The following MACROD2 variants were observed in gnomAD, a reference collection of about 807,000 sequenced individuals.
MACROD2 encodes ADP-ribose glycohydrolase MACROD2.
In MACROD2, 36 loss-of-function variants were observed where a neutral mutation model predicts 70.4. That is an observed-to-expected ratio of 0.51 (90% CI 0.39 to 0.68). The LOEUF (loss-of-function observed/expected upper bound fraction) is 0.68, where lower values mean the gene tolerates loss of function less well. MACROD2 is among the 30% of genes least tolerant of loss of function. The pLI is 0.00. For missense variants in MACROD2, 496 were observed against 538.4 expected, an observed-to-expected ratio of 0.92 and a Z score of 0.78; for synonymous variants, 172 against 178.8, an observed-to-expected ratio of 0.96 and a Z score of 0.30.
intron 6 of MACROD2, among the ~76,000 whole-genome samples, chr20:15,312,924 A>G (rs1568714106): frequency 6.6e-6 from 1 of 152,204 alleles, no homozygotes; most frequent in Non-Finnish European, 1.5e-5. Flanking sequence ...TTTATTCAAG[A>G]TATTAATTTA....
At chr20:14,114,652 G>A (rs1052391662) in intron 3 of MACROD2, among the ~76,000 whole-genome samples, 1 of 152,060 alleles carries the variant, frequency 6.6e-6, no homozygotes, top group Non-Finnish European at 1.5e-5. Flanking sequence ...TTTGAGAAAC[G>A]AGGAACGGGG....
intron 3 of MACROD2, among the ~76,000 whole-genome samples, chr20:14,421,696 A>G (rs1459260928): frequency 1.3e-5 from 2 of 152,054 alleles, no homozygotes; most frequent in Non-Finnish European, 2.9e-5. Context: ...ATTTCCATAT[A>G]CTTATGAATT....
intron 5 of MACROD2, among the ~76,000 whole-genome samples, chr20:15,029,988 G>T (rs2075261865): frequency 1.3e-5 from 2 of 151,178 alleles, no homozygotes; most frequent in African/African-American, 4.9e-5. Context: ...TACCCAGGAG[G>T]CTGAGGCACG....
intron 5 of MACROD2, among the ~76,000 whole-genome samples, chr20:14,812,107 A>G (rs537724495): frequency 5.3e-5 from 8 of 152,182 alleles, no homozygotes; most frequent in South Asian, 4.1e-4. Flanking sequence ...AAATCATTCT[A>G]CTATAAAGAC....
chr20:15,458,642 A>T lies in MACROD2; in HGVS notation c.571+27207A>T, dbSNP rs1166068757. On this transcript the variant is annotated intron_variant, in intron 7 of 17. Transcript: ENST00000684519. Reference sequence around the variant, plus strand: ...TTGTTTTTTTGTTTTTTTTTTTTAAAAAAAAAAAAGATTGTGCCATTTATT... The same window carrying T: ...TTGTTTTTTTGTTTTTTTTTTTTAATAAAAAAAAAGATTGTGCCATTTATT... 1.7e-3 allele frequency among the ~76,000 whole-genome samples: 213 copies of T among 124,510 alleles called. 1 individual carries two copies. Among genetic ancestry groups the T allele is most frequent in the Admixed American group, 2.8e-3 (35 of 12,726 alleles). The allele number at this position is 124,510 out of a possible 152,430, so 81.7% of individuals were successfully genotyped here.
At chr20:14,616,855 T>C (rs945631604) in intron 4 of MACROD2, among the ~76,000 whole-genome samples, 10 of 152,142 alleles carry the variant, frequency 6.6e-5, no homozygotes, top group Admixed American at 3.9e-4. Context: ...CAAAATAAGC[T>C]GTCCTGTAAT....
In MACROD2 at chr20:14,277,053, C is replaced by A. The variant is rs115516314; in HGVS notation, c.271+191325C>A. ...ACAATTGGCTGGGCTTGGTAGCTCA[C>A]GCCTGTAGTGCCAGCACTGTGGAAG... On this transcript the variant is annotated intron_variant, in intron 3 of 17. Coordinates refer to ENST00000684519, the MANE Select transcript of MACROD2 (RefSeq NM_001351661.2). 2.0e-5 allele frequency among the ~76,000 whole-genome samples: 3 copies of A among 152,196 alleles called. No homozygotes were observed. The East Asian group carries it at 5.8e-4, about 29-fold the overall frequency.
At chr20:14,218,360 A>G (rs1053517323) in intron 3 of MACROD2, among the ~76,000 whole-genome samples, 2 of 152,138 alleles carry the variant, frequency 1.3e-5, no homozygotes, top group Non-Finnish European at 2.9e-5. Context: ...GTCCATTTTC[A>G]TGAAATGCCT....
At chr20:14,150,189 C>G (rs1249827967) in intron 3 of MACROD2, among the ~76,000 whole-genome samples, 2 of 152,042 alleles carry the variant, frequency 1.3e-5, no homozygotes, top group East Asian at 1.9e-4. Flanking sequence ...TTGCCCTTCA[C>G]TAACTATGCT....
chr20:14,014,150 C>T (rs2148619148), intron 2 of MACROD2, among the ~76,000 whole-genome samples: 1 of 152,144 alleles, frequency 6.6e-6, no homozygotes, highest in South Asian at 2.1e-4. Context: ...ACATTTTGGT[C>T]AGCGTGAACA....
At chr20:15,672,767 C>A (rs969995040) in intron 8 of MACROD2, among the ~76,000 whole-genome samples, 3 of 152,154 alleles carry the variant, frequency 2.0e-5, no homozygotes, top group African/African-American at 4.8e-5. Flanking sequence ...CCCTGGAGAT[C>A]TTGGCCACTG....
intron 4 of MACROD2, among the ~76,000 whole-genome samples, chr20:14,519,130 A>T (rs945429044): frequency 2.0e-5 from 3 of 152,180 alleles, no homozygotes; most frequent in African/African-American, 7.2e-5. Context: ...AAATTATAGC[A>T]ATGTGAAGTG....
chr20:14,141,300 A>G (rs1183644213), intron 3 of MACROD2, among the ~76,000 whole-genome samples: 2 of 152,184 alleles, frequency 1.3e-5, no homozygotes, highest in African/African-American at 2.4e-5. Flanking sequence ...AGTTTTCTCT[A>G]TGGTGCAGTA....
At chr20:15,773,972 A>T (rs558329574) in intron 8 of MACROD2, among the ~76,000 whole-genome samples, 20 of 152,314 alleles carry the variant, frequency 1.3e-4, no homozygotes, top group African/African-American at 4.8e-4. Flanking sequence ...TCCATCAAAG[A>T]AAAGCAATAT....
chr20:15,879,706 T>C (rs1379957148), intron 9 of MACROD2, among the ~76,000 whole-genome samples: 1 of 152,078 alleles, frequency 6.6e-6, no homozygotes, highest in African/African-American at 2.4e-5. Context: ...GAACATATAT[T>C]AAAATACATG....
Position 15,307,504 on chromosome 20 carries a change from T to C in MACROD2, c.540+77443T>C, listed in dbSNP as rs1284942573. 3.9e-5 allele frequency among the ~76,000 whole-genome samples: 6 copies of C among 152,288 alleles called. No individual in the cohort carries two copies. In the East Asian group the frequency reaches 1.2e-3, roughly 29 times the overall value. On this transcript the variant is annotated intron_variant, in intron 6 of 17. Transcript: ENST00000684519. ...TCTCCTCTCTCCTTACACACACACGTATGTGTTTGAGTTTAGTAAATGTCA... is the reference window on the plus strand; with the variant it reads ...TCTCCTCTCTCCTTACACACACACGCATGTGTTTGAGTTTAGTAAATGTCA...
intron 8 of MACROD2, among the ~76,000 whole-genome samples, chr20:15,852,210 A>G (rs2064307314): frequency 6.6e-6 from 1 of 152,234 alleles, no homozygotes; most frequent in South Asian, 2.1e-4. Context: ...ATGAGCCTCC[A>G]GCTCAAGCCA....
At chr20:14,055,473 A>G (rs935159149) in intron 2 of MACROD2, among the ~76,000 whole-genome samples, 11 of 150,064 alleles carry the variant, frequency 7.3e-5, no homozygotes, top group African/African-American at 2.4e-4. Context: ...ATTCTCCTTT[A>G]ATGGCATTAG....
At chr20:15,126,930 C>A (rs1024064077) in intron 5 of MACROD2, among the ~76,000 whole-genome samples, 2 of 152,050 alleles carry the variant, frequency 1.3e-5, no homozygotes, top group Non-Finnish European at 2.9e-5. Flanking sequence ...TAGTCTATAA[C>A]TGACATTTTG....
Sources: gnomAD v4.1 joint callset for allele counts (sites outside exome capture counted in the v4.1 genomes callset) on GRCh38, gnomAD v4.1.1 for gene constraint, MANE v1.5 for transcripts, NCBI Gene and HGNC (gene_info 2026-07-23, HGNC 2026-07-21) for gene names.